The following FILIP1L variants were observed in gnomAD, a reference collection of about 807,000 sequenced individuals.
The protein encoded by FILIP1L is filamin A-interacting protein 1-like.
A neutral mutation model predicts 96.6 loss-of-function variants in FILIP1L; 55 were observed. That is an observed-to-expected ratio of 0.57 (90% CI 0.46 to 0.71). The LOEUF (loss-of-function observed/expected upper bound fraction) is 0.71. Among genes scored for constraint, FILIP1L ranks in the 30% least tolerant of loss-of-function variants. FILIP1L has a pLI of 0.00. For missense variants in FILIP1L, 1,304 were observed against 1,321.2 expected, an observed-to-expected ratio of 0.99 and a Z score of 0.20; for synonymous variants, 467 against 473.9, an observed-to-expected ratio of 0.99 and a Z score of 0.19.
chr3:99,976,768 T>G (rs535314080), intron 1 of FILIP1L, among the ~76,000 whole-genome samples: 2 of 152,338 alleles, frequency 1.3e-5, no homozygotes, highest in East Asian at 3.9e-4. Context: ...TCAGGTTTCT[T>G]GGACCTGTGG....
chr3:100,074,667 A>C (rs1280505925), intron 1 of FILIP1L, among the ~76,000 whole-genome samples: 1 of 82,074 alleles, frequency 1.2e-5, no homozygotes, highest in East Asian at 4.3e-4. Flanking sequence ...ATGCATGTGC[A>C]ACATTTGATT....
At chr3:99,949,131 A>G (rs962998799) in intron 1 of FILIP1L, among the ~76,000 whole-genome samples, 1 of 152,218 alleles carries the variant, frequency 6.6e-6, no homozygotes, top group Non-Finnish European at 1.5e-5. Flanking sequence ...AAAGCAGGAT[A>G]AAGTTCCCAA....
At chr3:100,011,055 A>T (rs1482855232) in intron 1 of FILIP1L, among the ~76,000 whole-genome samples, 1 of 152,106 alleles carries the variant, frequency 6.6e-6, no homozygotes, top group Non-Finnish European at 1.5e-5. Context: ...TGGTGCAAGG[A>T]TGGTACCAGG....
chr3:99,851,525 T>G (rs1943695920), intron 4 of FILIP1L, among the ~76,000 whole-genome samples: 1 of 152,372 alleles, frequency 6.6e-6, no homozygotes, highest in African/African-American at 2.4e-5. Flanking sequence ...GGCAATAATT[T>G]TATTTACTTC....
At chr3:99,942,350 C>T (rs1046234410) in intron 1 of FILIP1L, among the ~76,000 whole-genome samples, 14 of 151,840 alleles carry the variant, frequency 9.2e-5, no homozygotes, top group African/African-American at 3.4e-4. Flanking sequence ...CTTTTAAATA[C>T]TCCAGAAAAA....
At chr3:100,050,936 T>A (rs773102016) in intron 1 of FILIP1L, among the ~76,000 whole-genome samples, 1 of 152,214 alleles carries the variant, frequency 6.6e-6, no homozygotes, top group Non-Finnish European at 1.5e-5. Flanking sequence ...TCTTCAAGAA[T>A]TTGATCCAAA....
At chr3:100,051,664 T>C (rs1352430691) in intron 1 of FILIP1L, among the ~76,000 whole-genome samples, 1 of 151,844 alleles carries the variant, frequency 6.6e-6, no homozygotes, top group Non-Finnish European at 1.5e-5. Flanking sequence ...GCTTCATCCA[T>C]GTCCCTACAA....
At chr3:99,889,049 G>A (rs1706001622) in intron 4 of FILIP1L, among the ~76,000 whole-genome samples, 2 of 152,006 alleles carry the variant, frequency 1.3e-5, no homozygotes, top group African/African-American at 4.8e-5. Flanking sequence ...GTTACTTTTT[G>A]TTCAGGTTCT....
chr3:100,040,487 T>C (rs532452824), intron 1 of FILIP1L: 43 of 152,344 alleles, frequency 2.8e-4, no homozygotes, highest in African/African-American at 1.0e-3. Context: ...CATCTGCACA[T>C]TTTCCCAGCA....
rs564228302 is a variant in FILIP1L at position 100,114,063 on chromosome 3, C to G, written c.-21G>C. ...GGACACTTAGCTTACCGTGCAGGTA[C>G]CGTGCAGGTGTTGATCACACCTGGT... On this transcript the variant is annotated 5_prime_UTR_variant, in exon 1 of 6. Transcript: ENST00000477258. The G allele has an allele frequency of 2.0e-5, 3 of 151,912 alleles. No individual in the cohort carries two copies. The highest frequency in any genetic ancestry group is 2.9e-5 in the Non-Finnish European group (2 of 68,036). The allele number at this position is 151,912 out of a possible 1,614,324, so 9.4% of individuals were successfully genotyped here. A position where few individuals can be genotyped will look rare whatever the true frequency, so the allele number is the denominator to read the frequency against.
chr3:100,078,899 C>T lies in FILIP1L; in HGVS notation c.-11+35154G>A, dbSNP rs185556834. Among the ~76,000 whole-genome samples, 9 of 151,978 alleles carry T rather than the reference C, an allele frequency of 5.9e-5. 1 individual carries two copies. The highest frequency in any genetic ancestry group is 4.6e-4 in the Admixed American group (7 of 15,254). Reference sequence around the variant, plus strand: ...GAGTGGGACTCCATATCAAAAAAAACGGAAAAAAAGATTGCAAAAAATCTC... The same window carrying T: ...GAGTGGGACTCCATATCAAAAAAAATGGAAAAAAAGATTGCAAAAAATCTC... On this transcript the variant is annotated intron_variant, in intron 1 of 5. Coordinates refer to ENST00000477258, the MANE Select transcript of FILIP1L (RefSeq NM_001387850.1).
At chr3:99,929,752 G>A in intron 3 of FILIP1L, 104 bp downstream of exon 3, 1 of 810,920 alleles carries the variant, frequency 1.2e-6, no homozygotes, top group Middle Eastern at 3.8e-4. Context: ...AAGTGCGTTA[G>A]AAAGTAAAAC....
Position 100,090,712 on chromosome 3 carries a change from C to T in FILIP1L, c.-11+23341G>A, listed in dbSNP as rs554320436. On this transcript the variant is annotated intron_variant, in intron 1 of 5. Coordinates refer to ENST00000477258, the MANE Select transcript of FILIP1L (RefSeq NM_001387850.1). ...ATAAGGCTGTATTTAATTAGGACAC[C>T]CAAATGCTCAGGAAAACCTCTCCAT... 2.6e-5 allele frequency among the ~76,000 whole-genome samples: 4 copies of T among 152,224 alleles called. No individual in the cohort carries two copies. The East Asian group carries it at 7.7e-4, about 29-fold the overall frequency.
chr3:99,884,021 C>T (rs1215384254), intron 4 of FILIP1L, among the ~76,000 whole-genome samples: 1 of 152,142 alleles, frequency 6.6e-6, no homozygotes, highest in African/African-American at 2.4e-5. Flanking sequence ...GTACTTCTCT[C>T]ATCTGCTATT....
At chr3:99,979,978 A>G (rs1001463032) in intron 1 of FILIP1L, among the ~76,000 whole-genome samples, 3 of 152,186 alleles carry the variant, frequency 2.0e-5, no homozygotes, top group Non-Finnish European at 4.4e-5. Context: ...AGGAGGTGGT[A>G]TGTAAGTTGA....
intron 1 of FILIP1L, among the ~76,000 whole-genome samples, chr3:100,021,521 G>A (rs2043412682): frequency 6.6e-6 from 1 of 152,280 alleles, no homozygotes; most frequent in South Asian, 2.1e-4. Context: ...AAAAATCTGA[G>A]TGCCAGAAAG....
At chr3:99,982,086 C>T (rs948526690) in intron 1 of FILIP1L, among the ~76,000 whole-genome samples, 6 of 151,768 alleles carry the variant, frequency 4.0e-5, no homozygotes, top group African/African-American at 7.3e-5. Flanking sequence ...ACTTTTGTGA[C>T]GGTTGTTAGT....
At chr3:99,861,197 CA>C (rs1337087767) in intron 4 of FILIP1L, among the ~76,000 whole-genome samples, 2 of 151,800 alleles carry the variant, frequency 1.3e-5, no homozygotes, top group Non-Finnish European at 2.9e-5. Flanking sequence ...CCCGCCCTCC[CA>C]AAAAAAATTA....
chr3:99,866,795 C>T (rs1169838686), intron 4 of FILIP1L, among the ~76,000 whole-genome samples: 1 of 152,094 alleles, frequency 6.6e-6, no homozygotes, highest in Non-Finnish European at 1.5e-5. Flanking sequence ...AGAGTTTGGG[C>T]CATATGCCAT....
Sources: gnomAD v4.1 joint callset for allele counts (sites outside exome capture counted in the v4.1 genomes callset) on GRCh38, gnomAD v4.1.1 for gene constraint, MANE v1.5 for transcripts, NCBI Gene and HGNC (gene_info 2026-07-23, HGNC 2026-07-21) for gene names.